The following MAP1LC3A variants were observed in gnomAD, a reference collection of about 807,000 sequenced individuals.
MAP1LC3A encodes the protein microtubule associated protein 1 light chain 3 alpha.
In MAP1LC3A, 10 loss-of-function variants were observed where a neutral mutation model predicts 15.2. The observed-to-expected ratio is 0.66, with a 90% CI of 0.41 to 1.12. The LOEUF (loss-of-function observed/expected upper bound fraction) is 1.12, where lower values mean the gene tolerates loss of function less well. MAP1LC3A is among the 50% of genes most tolerant of loss of function. The pLI, the probability that MAP1LC3A is intolerant of heterozygous loss-of-function variation, is 0.00. For synonymous variants in MAP1LC3A, 63 were observed against 64.3 expected, an observed-to-expected ratio of 0.98 and a Z score of 0.10; for missense variants, 138 against 167.3, an observed-to-expected ratio of 0.82 and a Z score of 0.97.
At chr20:34,551,964 A>G (rs1367212057) in intron 2 of MAP1LC3A, among the ~76,000 whole-genome samples, 1 of 152,250 alleles carries the variant, frequency 6.6e-6, no homozygotes, top group Non-Finnish European at 1.5e-5. Context: ...TTCAACAAAA[A>G]GGGAAAATGG....
At chr20:34,553,176 G>A (rs1000939129) in intron 2 of MAP1LC3A, among the ~76,000 whole-genome samples, 3 of 152,052 alleles carry the variant, frequency 2.0e-5, no homozygotes, top group African/African-American at 7.2e-5. Flanking sequence ...GGTGACGAGC[G>A]AAATTGCATC....
At chr20:34,557,719 G>A (rs887863096), upstream of MAP1LC3A, among the ~76,000 whole-genome samples, 1 of 152,198 alleles carries the variant, frequency 6.6e-6, no homozygotes, top group Non-Finnish European at 1.5e-5. Flanking sequence ...GAGGTCAGGA[G>A]ATCGAGACCA....
Position 34,560,248 on chromosome 20 carries a change from G to GTTTGT in MAP1LC3A, c.*350_*351insTTTGT. 1 of 247,304 alleles carries GTTTGT rather than the reference G, an allele frequency of 4.0e-6. No individual in the cohort carries two copies. The highest frequency in any genetic ancestry group is 7.9e-6 in the Non-Finnish European group (1 of 126,780). 15.3% of individuals were successfully genotyped at this position (247,304 alleles called of 1,614,324 possible). ...CGCCTGGACCTGCCCACCCCTGAAA[G>GTTTGT]ACTGGCCCCTGGCTCCCCGCCCCTC... On this transcript the variant is annotated 3_prime_UTR_variant, in exon 4 of 4. Transcript: ENST00000360668.
intron 2 of MAP1LC3A, among the ~76,000 whole-genome samples, chr20:34,551,528 G>C (rs1402598429): frequency 7.0e-5 from 10 of 143,730 alleles, no homozygotes; most frequent in African/African-American, 2.6e-4. Flanking sequence ...CTGGAGTGCA[G>C]TGGCACGATT....
rs773345106 is a variant in MAP1LC3A, at chr20:34,559,808, C to T, written c.276C>T (p.Ser92=). The T allele has an allele frequency of 6.2e-7, 1 of 1,613,968 alleles. No homozygotes were observed. The highest frequency in any genetic ancestry group is 8.5e-7 in the Non-Finnish European group (1 of 1,180,006). ...LVNQHSMVSV[S]TPIADIYEQE... ...ACCAGCACAGCATGGTGAGTGTGTC[C>T]ACGCCCATCGCGGACATCTACGAGC... The change falls in exon 4 of 4, where the codon TCC becomes TCT. Residue 92 remains serine (S), a synonymous_variant. Transcript: ENST00000360668.
At position 34,558,793 on chromosome 20, in the gene MAP1LC3A, C is replaced by A. The variant is rs901695932; in HGVS notation, c.-76C>A. On this transcript the variant is annotated 5_prime_UTR_variant, in exon 1 of 4. Transcript: ENST00000360668. This position sits in a 1 kb window ranked among gnomAD's most constrained non-coding sequence, Gnocchi z 4.3. ...GAGCCCTTGAGCGCGAGGCGCGGAG[C>A]CCCCGGAGCCCCCAAACCGCAGACA... 7 of 1,357,794 alleles carry A rather than the reference C, an allele frequency of 5.2e-6. No homozygotes were observed. In the African/African-American group the frequency reaches 6.2e-5, roughly 12 times the overall value. 84.1% of individuals were successfully genotyped at this position (1,357,794 alleles called of 1,614,324 possible). A position where few individuals can be genotyped will look rare whatever the true frequency, so the allele number is the denominator to read the frequency against.
At position 34,559,898 on chromosome 20, in the gene MAP1LC3A, A is replaced by G. The variant is rs779143046; in HGVS notation, c.366A>G (p.Ter122TrpextTer27). The change falls in exon 4 of 4, where the codon TGA becomes TGG. Residue 122 changes from the stop codon to tryptophan, a stop_lost. Transcript: ENST00000360668. ...VYASQETFGF[*>W] ...CCTCCCAGGAAACCTTCGGCTTCTG[A>G]GCCAGCAGTAGGGGGGCTCGGCCTG... is the stretch of plus-strand genomic sequence containing the variant. The G allele has an allele frequency of 1.2e-6, 2 of 1,609,520 alleles. No individual in the cohort carries two copies. Among genetic ancestry groups the G allele is most frequent in the South Asian group, 1.1e-5 (1 of 90,514 alleles).
chr20:34,550,401 CTG>C (rs1378004178), intron 2 of MAP1LC3A, among the ~76,000 whole-genome samples: 2 of 152,194 alleles, frequency 1.3e-5, no homozygotes, highest in Non-Finnish European at 2.9e-5. Context: ...GGAGAGATGA[CTG>C]TGGGGGCCTG....
rs375667804 is a variant in MAP1LC3A at position 34,559,330 on chromosome 20, G to A, written c.97-17G>A. On this transcript the variant is annotated splice_polypyrimidine_tract_variant and intron_variant, in intron 2 of 3. Coordinates refer to ENST00000360668, the MANE Select transcript of MAP1LC3A (RefSeq NM_032514.4). ...GCGTTCCCGACACGACCCCCTGCCC[G>A]CCCGCCCTGCTCCCAGGTGATCATC... 3.8e-4 allele frequency: 228 copies of A among 592,982 alleles called. No homozygotes were observed. Among genetic ancestry groups the A allele is most frequent in the African/African-American group, 2.7e-3 (120 of 44,880 alleles). 36.7% of individuals were successfully genotyped at this position (592,982 alleles called of 1,614,324 possible).
At chr20:34,555,590 G>T (rs948827357), upstream of MAP1LC3A, among the ~76,000 whole-genome samples, 24 of 151,348 alleles carry the variant, frequency 1.6e-4, no homozygotes, top group African/African-American at 5.8e-4. Flanking sequence ...TTGAAACTCT[G>T]CTCATGGATT....
At chr20:34,553,927 C>A (rs1195275433), upstream of MAP1LC3A, among the ~76,000 whole-genome samples, 2 of 152,210 alleles carry the variant, frequency 1.3e-5, no homozygotes, top group African/African-American at 2.4e-5. Context: ...GAAAATGTTA[C>A]AATAAACATT....
chr20:34,547,122 G>A (rs1981762002), intron 1 of MAP1LC3A, among the ~76,000 whole-genome samples: 1 of 152,208 alleles, frequency 6.6e-6, no homozygotes. Flanking sequence ...CAGGGAAGGT[G>A]CCTCGCAGGA....
At chr20:34,556,846 C>A (rs140325710), upstream of MAP1LC3A, among the ~76,000 whole-genome samples, 31 of 152,340 alleles carry the variant, frequency 2.0e-4, no homozygotes, top group East Asian at 4.6e-3. Flanking sequence ...AGTGATCCAC[C>A]CACCTCGGCC....
At chr20:34,552,480 C>T (rs561451288) in intron 2 of MAP1LC3A, among the ~76,000 whole-genome samples, 33 of 152,322 alleles carry the variant, frequency 2.2e-4, no homozygotes, top group African/African-American at 7.2e-4. Flanking sequence ...ACAGAGATCC[C>T]GGGGAAGGAT....
intron 1 of MAP1LC3A, among the ~76,000 whole-genome samples, chr20:34,549,441 C>T (rs1568609461): frequency 6.6e-6 from 1 of 152,176 alleles, no homozygotes; most frequent in Non-Finnish European, 1.5e-5. Context: ...GAGTTCATCA[C>T]CTTAAACGAG....
exon 2 of MAP1LC3A, chr20:34,550,000 C>G (rs1449064971): frequency 6.2e-7 from 1 of 1,614,196 alleles, no homozygotes; most frequent in South Asian, 1.1e-5. Context: ...TTCTTCAGTT[C>G]TCCATGTGGA....
At chr20:34,549,264 G>A (rs1047294721) in intron 1 of MAP1LC3A, among the ~76,000 whole-genome samples, 5 of 152,146 alleles carry the variant, frequency 3.3e-5, no homozygotes, top group Non-Finnish European at 7.3e-5. Context: ...GACCTCAGGT[G>A]ATCAGACCAC....
upstream of MAP1LC3A, chr20:34,558,100 T>C: frequency 1.0e-6 from 1 of 985,118 alleles, no homozygotes; most frequent in Non-Finnish European, 1.2e-6. This position sits in a 1 kb window ranked among gnomAD's most constrained non-coding sequence, Gnocchi z 4.3. Flanking sequence ...ATCTGTGCCC[T>C]TTTCCTTATT....
upstream of MAP1LC3A, chr20:34,558,250 C>A (rs1036312949): frequency 2.0e-6 from 2 of 984,122 alleles, no homozygotes; most frequent in Non-Finnish European, 2.4e-6. This position sits in a 1 kb window ranked among gnomAD's most constrained non-coding sequence, Gnocchi z 4.3. Context: ...TTATATTATT[C>A]TTTTTCAAAC....
Sources: allele counts gnomAD v4.1 joint callset (sites outside exome capture counted in the v4.1 genomes callset), GRCh38; gene constraint gnomAD v4.1.1; non-coding constraint Gnocchi (gnomAD v3.1); transcripts MANE v1.5; gene names NCBI Gene and HGNC (gene_info 2026-07-23, HGNC 2026-07-21).